CNTN4: variants seen among roughly 807,000 people sequenced by gnomAD.
CNTN4 encodes contactin-4.
In CNTN4, 77 loss-of-function variants were observed where a neutral mutation model predicts 122.5. The ratio of observed to expected loss-of-function variants is 0.63; its 90% CI spans 0.52 to 0.76. The LOEUF (loss-of-function observed/expected upper bound fraction) is 0.76. Among genes scored for constraint, CNTN4 ranks in the 30% least tolerant of loss-of-function variants. The pLI is 0.00. For missense variants in CNTN4, 1,256 were observed against 1,259.1 expected, an observed-to-expected ratio of 1.00 and a Z score of 0.04; for synonymous variants, 512 against 447.0, an observed-to-expected ratio of 1.15 and a Z score of -1.83.
rs189222839 is a variant in CNTN4 at position 3,006,130 on chromosome 3, C to A, written c.1486+17658C>A. Among the ~76,000 whole-genome samples the A allele has an allele frequency of 7.1e-3, 1,085 of 152,232 alleles. 5 individuals are homozygous for A. Among genetic ancestry groups the A allele is most frequent in the Middle Eastern group, 0.014 (4 of 294 alleles). ...TGACCTTGTGATCCGCCCGCCTCGGCCTCCCAAGGTGCTGGGATTACAGGC... is the reference window on the plus strand; with the variant it reads ...TGACCTTGTGATCCGCCCGCCTCGGACTCCCAAGGTGCTGGGATTACAGGC... On this transcript the variant is annotated intron_variant, in intron 14 of 24. Coordinates refer to ENST00000418658, the MANE Select transcript of CNTN4 (RefSeq NM_175607.3).
chr3:2,169,822 A>G (rs1166958432), intron 2 of CNTN4, among the ~76,000 whole-genome samples: 1 of 152,186 alleles, frequency 6.6e-6, no homozygotes, highest in Non-Finnish European at 1.5e-5. Flanking sequence ...GCTCTTAGTC[A>G]ACAATGCTCT....
chr3:2,757,133 C>T (rs1004950498), intron 6 of CNTN4, among the ~76,000 whole-genome samples: 2 of 152,146 alleles, frequency 1.3e-5, no homozygotes, highest in Non-Finnish European at 2.9e-5. Context: ...CAAGTTTTGT[C>T]TCACACTATG....
rs1214674754 is a variant in CNTN4, at chr3:2,677,421, G to GAGAGATCTATGTATCTATACATAGATAT, written c.56-58775_56-58748dup. Among the ~76,000 whole-genome samples the GAGAGATCTATGTATCTATACATAGATAT allele has an allele frequency of 5.3e-5, 8 of 150,716 alleles. 1 individual carries two copies. The South Asian group carries it at 6.3e-4, about 12-fold the overall frequency. On this transcript the variant is annotated intron_variant, in intron 4 of 24. Coordinates refer to ENST00000418658, the MANE Select transcript of CNTN4 (RefSeq NM_175607.3). ...CTATGTATCTATACATAGATATAGA[G>GAGAGATCTATGTATCTATACATAGATAT]AGAGATCTATGTATCTATACATAGA...
chr3:2,370,938 G>C (rs912295067), intron 3 of CNTN4, among the ~76,000 whole-genome samples: 1 of 152,132 alleles, frequency 6.6e-6, no homozygotes, highest in Non-Finnish European at 1.5e-5. Flanking sequence ...CCTGAAAAGC[G>C]TGATTTAAAA....
chr3:2,782,647 C>T (rs2091650930), intron 6 of CNTN4, among the ~76,000 whole-genome samples: 1 of 152,040 alleles, frequency 6.6e-6, no homozygotes, highest in African/African-American at 2.4e-5. Flanking sequence ...AACAGGAGAC[C>T]AGGTGTCATG....
chr3:2,930,130 G>T (rs2094506890), intron 13 of CNTN4, among the ~76,000 whole-genome samples: 1 of 152,066 alleles, frequency 6.6e-6, no homozygotes, highest in African/African-American at 2.4e-5. Flanking sequence ...TCTATACTGG[G>T]AGGCTACCCT....
chr3:2,913,122 A>T (rs2094318979), intron 12 of CNTN4, among the ~76,000 whole-genome samples: 2 of 152,220 alleles, frequency 1.3e-5, no homozygotes, highest in African/African-American at 4.8e-5. Flanking sequence ...ACTGCACTCC[A>T]GCCTGGATGA....
intron 14 of CNTN4, among the ~76,000 whole-genome samples, chr3:3,000,597 C>G (rs1193970535): frequency 6.6e-6 from 1 of 152,220 alleles, no homozygotes; most frequent in Admixed American, 6.5e-5. Context: ...GACATCTACT[C>G]TAGGGAAATA....
intron 7 of CNTN4, among the ~76,000 whole-genome samples, chr3:2,846,989 G>C (rs2093467491): frequency 6.6e-6 from 1 of 151,530 alleles, no homozygotes; most frequent in Non-Finnish European, 1.5e-5. Context: ...GTGAAACTCG[G>C]TCTCAAATAA....
intron 3 of CNTN4, among the ~76,000 whole-genome samples, chr3:2,382,263 G>A (rs950404094): frequency 1.3e-5 from 2 of 150,998 alleles, no homozygotes; most frequent in East Asian, 2.0e-4. Context: ...TCTGCCCCCC[G>A]GGTTCAAGCG....
chr3:2,925,215 AT>A (rs919435421), intron 12 of CNTN4, among the ~76,000 whole-genome samples: 77 of 152,332 alleles, frequency 5.1e-4, no homozygotes, highest in Middle Eastern at 3.4e-3. Flanking sequence ...CTTTAAAAAA[AT>A]TAGCTTCCTC....
intron 3 of CNTN4, among the ~76,000 whole-genome samples, chr3:2,383,863 C>G (rs1206097540): frequency 6.6e-6 from 1 of 151,796 alleles, no homozygotes; most frequent in Non-Finnish European, 1.5e-5. Context: ...ATTCTGTATA[C>G]AGTTACTCCT....
rs373125249 is a variant in CNTN4, at chr3:2,781,890, A to ATTTTTTTT, written c.358+36199_358+36200insTTTTTTTT. 5.1e-4 allele frequency among the ~76,000 whole-genome samples: 59 copies of ATTTTTTTT among 114,712 alleles called. 4 individuals carry two copies. Among genetic ancestry groups the ATTTTTTTT allele is most frequent in the African/African-American group, 8.8e-4 (26 of 29,440 alleles). 75.3% of individuals were successfully genotyped at this position (114,712 alleles called of 152,430 possible). Reference sequence around the variant, plus strand: ...CAGGCGCCCGCACCACGCCCGGCTAATTTTTTGTATTTTTAGTAGAGACGG... The same window carrying ATTTTTTTT: ...CAGGCGCCCGCACCACGCCCGGCTAATTTTTTTTTTTTTTGTATTTTTAGTAGAGACGG... On this transcript the variant is annotated intron_variant, in intron 6 of 24. Transcript: ENST00000418658.
intron 3 of CNTN4, among the ~76,000 whole-genome samples, chr3:2,485,874 G>T (rs970268912): frequency 2.0e-5 from 3 of 152,026 alleles, no homozygotes; most frequent in Non-Finnish European, 2.9e-5. Flanking sequence ...TCTGTAAAAT[G>T]GACCAATCAG....
intron 4 of CNTN4, among the ~76,000 whole-genome samples, chr3:2,609,828 A>G (rs1174702805): frequency 6.6e-6 from 1 of 152,198 alleles, no homozygotes; most frequent in African/African-American, 2.4e-5. Flanking sequence ...TTTACTATCA[A>G]TAAAGAGGTA....
intron 4 of CNTN4, among the ~76,000 whole-genome samples, chr3:2,602,775 A>G (rs1318467093): frequency 6.6e-6 from 1 of 152,224 alleles, no homozygotes; most frequent in Non-Finnish European, 1.5e-5. Flanking sequence ...TTATATGGTA[A>G]TAATACATGA....
intron 12 of CNTN4, among the ~76,000 whole-genome samples, chr3:2,923,432 T>C (rs1435463754): frequency 6.6e-6 from 1 of 152,150 alleles, no homozygotes; most frequent in East Asian, 1.9e-4. Flanking sequence ...ATGATGTCAG[T>C]ATAACATAGA....
intron 3 of CNTN4, among the ~76,000 whole-genome samples, chr3:2,544,315 T>A (rs1241701699): frequency 6.6e-6 from 1 of 152,080 alleles, no homozygotes; most frequent in Non-Finnish European, 1.5e-5. Context: ...ATTGTTCTTC[T>A]GCAATCATAA....
intron 3 of CNTN4, among the ~76,000 whole-genome samples, chr3:2,421,371 C>G (rs1174578603): frequency 6.6e-6 from 1 of 151,754 alleles, no homozygotes; most frequent in African/African-American, 2.4e-5. Context: ...CCTGCCTCAG[C>G]CTCCCGAGTA....
Sources: gnomAD v4.1 joint callset for allele counts (sites outside exome capture counted in the v4.1 genomes callset) on GRCh38, gnomAD v4.1.1 for gene constraint, MANE v1.5 for transcripts, NCBI Gene and HGNC (gene_info 2026-07-23, HGNC 2026-07-21) for gene names.